The following ATP11C variants were observed in gnomAD, a reference collection of about 807,000 sequenced individuals.
ATP11C encodes phospholipid-transporting ATPase IG.
ATP11C carries 36 observed loss-of-function variants against 97.4 expected under a neutral mutation model. The ratio of observed to expected loss-of-function variants is 0.37; its 90% confidence interval spans 0.28 to 0.49. The LOEUF is 0.49. ATP11C is among the 20% of genes least tolerant of loss of function. The pLI is 0.98. For synonymous variants in ATP11C, 275 were observed against 290.9 expected, an observed-to-expected ratio of 0.95 and a Z score of 0.56; for missense variants, 730 against 824.6, an observed-to-expected ratio of 0.89 and a Z score of 1.40.
intron 23 of ATP11C, among the ~76,000 whole-genome samples, chrX:139,756,088 T>C (rs1484762635): frequency 8.9e-6 from 1 of 112,154 alleles, no homozygotes; most frequent in Non-Finnish European, 1.9e-5. Flanking sequence ...GTGACAAATA[T>C]GTAATATCCA....
At chrX:139,912,049 C>T (rs1452489207) in intron 1 of ATP11C, among the ~76,000 whole-genome samples, 1 of 107,298 alleles carries the variant, frequency 9.3e-6, no homozygotes, top group African/African-American at 3.4e-5. Flanking sequence ...GTGGCATATG[C>T]CCGTAGTCTC....
intron 1 of ATP11C, among the ~76,000 whole-genome samples, chrX:139,868,726 C>CAA (rs565000787): frequency 5.2e-5 from 4 of 76,355 alleles, no homozygotes; most frequent in African/African-American, 1.4e-4. Context: ...GACTCCGTCT[C>CAA]AAAAAAAAAA....
At chrX:139,826,866 T>C (rs1480538716) in intron 1 of ATP11C, 43 bp from the exon 2 acceptor site, 2 of 1,163,521 alleles carry the variant, frequency 1.7e-6, no homozygotes, top group East Asian at 3.1e-5. Context: ...TTCATCACAT[T>C]TGTCCACACT....
chrX:139,786,653 G>C (rs1219515335), intron 15 of ATP11C, among the ~76,000 whole-genome samples: 35 of 112,535 alleles, frequency 3.1e-4, no homozygotes, highest in Non-Finnish European at 9.4e-5. Context: ...CCACCATTAA[G>C]ATAAGGTGGC....
At chrX:139,755,492 T>C (rs1427649465) in intron 23 of ATP11C, among the ~76,000 whole-genome samples, 2 of 111,859 alleles carry the variant, frequency 1.8e-5, no homozygotes, top group Non-Finnish European at 3.8e-5. Flanking sequence ...TATTTTAATA[T>C]TCATATGGCA....
intron 1 of ATP11C, among the ~76,000 whole-genome samples, chrX:139,917,636 A>G (rs889342007): frequency 8.9e-6 from 1 of 111,776 alleles, no homozygotes; most frequent in Non-Finnish European, 1.9e-5. Context: ...CAAAATCACA[A>G]TAAGATGTAA....
At chrX:139,900,681 A>C (rs775948786) in intron 1 of ATP11C, among the ~76,000 whole-genome samples, 30 of 112,094 alleles carry the variant, frequency 2.7e-4, no homozygotes, top group Non-Finnish European at 4.9e-4. Context: ...TGAAGACATC[A>C]ACTGATAAAA....
chrX:139,730,968 G>A (rs1227123031), intron 29 of ATP11C, among the ~76,000 whole-genome samples: 1 of 111,290 alleles, frequency 9.0e-6, no homozygotes, highest in Non-Finnish European at 1.9e-5. Context: ...AATCATTTTT[G>A]GAAACATTAA....
At chrX:139,842,776 T>G (rs776865795) in intron 1 of ATP11C, among the ~76,000 whole-genome samples, 1 of 112,174 alleles carries the variant, frequency 8.9e-6, no homozygotes, top group South Asian at 3.8e-4. Context: ...TGAAAATCTT[T>G]GTATAATTCA....
chrX:139,796,063 T>A (rs2082787273), intron 12 of ATP11C, among the ~76,000 whole-genome samples: 1 of 112,034 alleles, frequency 8.9e-6, no homozygotes, highest in Non-Finnish European at 1.9e-5. Context: ...ATTTAATACA[T>A]AAATTGTATC....
intron 1 of ATP11C, among the ~76,000 whole-genome samples, chrX:139,873,292 G>A (rs2148022421): frequency 8.9e-6 from 1 of 112,448 alleles, no homozygotes; most frequent in South Asian, 3.7e-4. Flanking sequence ...AAAACGGGAA[G>A]TTTATTGTTT....
Position 139,810,079 on chromosome X carries a change from C to T in ATP11C, c.426+4799G>A, listed in dbSNP as rs773575719. Among the ~76,000 whole-genome samples the T allele has an allele frequency of 3.6e-5, 4 of 111,887 alleles. No homozygotes were observed. The East Asian group carries it at 8.4e-4, about 23-fold the overall frequency. On this transcript the variant is annotated intron_variant, in intron 5 of 29. Coordinates refer to ENST00000682941, the MANE Select transcript of ATP11C (RefSeq NM_001353812.2). Reference sequence around the variant, plus strand: ...GGCTTTATAAAATGTAAAAGTAAAACGTATGACAACAATAACACAAAGGGT... The same window carrying T: ...GGCTTTATAAAATGTAAAAGTAAAATGTATGACAACAATAACACAAAGGGT...
intron 24 of ATP11C, among the ~76,000 whole-genome samples, chrX:139,746,592 C>A (rs1004191343): frequency 1.6e-4 from 18 of 112,093 alleles, no homozygotes; most frequent in African/African-American, 4.9e-4. Context: ...GGAAATTTCA[C>A]CTTTTTTTAG....
chrX:139,737,743 A>G, intron 28 of ATP11C, 173 bp downstream of exon 28: 1 of 562,703 alleles, frequency 1.8e-6, no homozygotes, highest in Non-Finnish European at 3.2e-6. Context: ...CCTGCATTGG[A>G]TAACGAAGTT....
chrX:139,848,183 C>T (rs1375677572), intron 1 of ATP11C, among the ~76,000 whole-genome samples: 1 of 111,686 alleles, frequency 9.0e-6, no homozygotes, highest in Non-Finnish European at 1.9e-5. Context: ...CACTTATTGC[C>T]CATTGGCTGA....
chrX:139,886,828 GTTTC>G (rs1400073565), intron 1 of ATP11C, among the ~76,000 whole-genome samples: 5 of 109,793 alleles, frequency 4.6e-5, no homozygotes, highest in African/African-American at 1.7e-4. Context: ...ATAAAATCCC[GTTTC>G]TTTTTCAAAA....
chrX:139,826,159 ACTTAACT>A (rs1224540839), intron 2 of ATP11C, among the ~76,000 whole-genome samples: 1 of 111,335 alleles, frequency 9.0e-6, no homozygotes, highest in African/African-American at 3.3e-5. Context: ...AGCTGCAGTG[ACTTAACT>A]CTTAACAGAT....
intron 16 of ATP11C, among the ~76,000 whole-genome samples, chrX:139,784,363 T>C (rs1455647743): frequency 8.9e-6 from 1 of 111,799 alleles, no homozygotes; most frequent in Non-Finnish European, 1.9e-5. Flanking sequence ...TTTCATGACT[T>C]TGCAATCACA....
At chrX:139,892,843 T>C (rs1213032298) in intron 1 of ATP11C, among the ~76,000 whole-genome samples, 2 of 112,006 alleles carry the variant, frequency 1.8e-5, no homozygotes, top group Non-Finnish European at 3.8e-5. Flanking sequence ...GCCCCAGCTC[T>C]GTCCATTGGA....
Sources: allele counts gnomAD v4.1 joint callset (sites outside exome capture counted in the v4.1 genomes callset), GRCh38; gene constraint gnomAD v4.1.1; transcripts MANE v1.5; gene names NCBI Gene and HGNC (gene_info 2026-07-23, HGNC 2026-07-21).